CSMD1: variants seen among roughly 807,000 people sequenced by gnomAD.
The protein encoded by CSMD1 is CUB and sushi domain-containing protein 1.
A neutral mutation model predicts 417.5 loss-of-function variants in CSMD1; 213 were observed. That is an observed-to-expected ratio of 0.51 (90% CI 0.46 to 0.57). The LOEUF (loss-of-function observed/expected upper bound fraction) is 0.57, where lower values mean the gene tolerates loss of function less well. Among genes scored for constraint, CSMD1 ranks in the 20% least tolerant of loss-of-function variants. The pLI, the probability that CSMD1 is intolerant of heterozygous loss-of-function variation, is 0.00. For missense variants in CSMD1, 6,923 were observed against 4,529.7 expected (o/e 1.53, Z -15.17); for synonymous variants, 2,862 against 1,736.8 (o/e 1.65, Z -16.11).
chr8:3,704,628 C>T (rs776184197), intron 7 of CSMD1: 3 of 152,246 alleles, frequency 2.0e-5, no homozygotes, highest in Non-Finnish European at 4.4e-5. Context: ...AAGCTTTCTT[C>T]TCTCGCTTAT....
At chr8:3,369,146 G>C in intron 19 of CSMD1, 108 bp downstream of exon 19, 1 of 592,322 alleles carries the variant, frequency 1.7e-6, no homozygotes, top group Non-Finnish European at 3.0e-6. Flanking sequence ...CTATACATGA[G>C]AAAAGTAGTT....
rs1430506952 is a variant in CSMD1, at chr8:4,410,246, C to G, written c.415+9707G>C. On this transcript the variant is annotated intron_variant, in intron 3 of 69. Coordinates refer to ENST00000635120, the MANE Select transcript of CSMD1 (RefSeq NM_033225.6). ...TAATTCTGTAAGCCTCATGCCAACT[C>G]TCTAAGGTAGGTACCATTTATTTTT... 3.9e-5 allele frequency among the ~76,000 whole-genome samples: 6 copies of G among 152,324 alleles called. No homozygotes were observed. The East Asian group carries it at 7.7e-4, about 20-fold the overall frequency.
chr8:4,313,054 A>G (rs1259577328), intron 3 of CSMD1, among the ~76,000 whole-genome samples: 1 of 152,178 alleles, frequency 6.6e-6, no homozygotes, highest in African/African-American at 2.4e-5. Context: ...ATAAACTACA[A>G]ATGAATATAG....
chr8:3,649,460 A>G (rs900817167), intron 7 of CSMD1, among the ~76,000 whole-genome samples: 1 of 152,194 alleles, frequency 6.6e-6, no homozygotes, highest in Non-Finnish European at 1.5e-5. Flanking sequence ...GAATTGACTC[A>G]CAGTTCATCA....
At chr8:3,677,451 A>G (rs773512927) in intron 7 of CSMD1, among the ~76,000 whole-genome samples, 6 of 152,204 alleles carry the variant, frequency 3.9e-5, no homozygotes, top group African/African-American at 1.4e-4. Context: ...GGTTGTCAGG[A>G]AAGTCCTGGG....
At chr8:3,961,075 G>A (rs546476976) in intron 5 of CSMD1, among the ~76,000 whole-genome samples, 1 of 152,112 alleles carries the variant, frequency 6.6e-6, no homozygotes, top group East Asian at 1.9e-4. Context: ...AATTGAACAT[G>A]AACAAACTCA....
At chr8:3,877,827 G>C (rs773365481) in intron 5 of CSMD1, among the ~76,000 whole-genome samples, 1 of 152,140 alleles carries the variant, frequency 6.6e-6, no homozygotes, top group Non-Finnish European at 1.5e-5. Context: ...TATATTTATA[G>C]AACTGACTTA....
At chr8:4,591,854 G>C (rs560275294) in intron 2 of CSMD1, among the ~76,000 whole-genome samples, 2 of 152,272 alleles carry the variant, frequency 1.3e-5, no homozygotes, top group Admixed American at 1.3e-4. Context: ...AAGGCAGAGG[G>C]GAGAAAGTAA....
chr8:3,855,884 T>A (rs1804269801), intron 5 of CSMD1, among the ~76,000 whole-genome samples: 1 of 152,206 alleles, frequency 6.6e-6, no homozygotes, highest in Admixed American at 6.5e-5. Flanking sequence ...CATTGTCTTA[T>A]TTTCTTGCTT....
At chr8:4,073,514 C>T (rs1436328872) in intron 3 of CSMD1, among the ~76,000 whole-genome samples, 1 of 152,090 alleles carries the variant, frequency 6.6e-6, no homozygotes, top group Non-Finnish European at 1.5e-5. Context: ...TTCAGAGGAC[C>T]TGGGATGTGT....
chr8:3,074,808 G>C (rs952331426), intron 49 of CSMD1, among the ~76,000 whole-genome samples: 2 of 152,138 alleles, frequency 1.3e-5, no homozygotes, highest in Admixed American at 1.3e-4. Flanking sequence ...ATCATGGAAA[G>C]TGTGATATCA....
intron 3 of CSMD1, among the ~76,000 whole-genome samples, chr8:4,073,482 G>A (rs140927287): frequency 6.6e-5 from 10 of 152,230 alleles, no homozygotes; most frequent in African/African-American, 2.2e-4. Flanking sequence ...CTCATTTTCT[G>A]GCTGTCCTCA....
At chr8:3,302,525 C>G (rs1804499101) in intron 25 of CSMD1, among the ~76,000 whole-genome samples, 1 of 152,174 alleles carries the variant, frequency 6.6e-6, no homozygotes, top group Non-Finnish European at 1.5e-5. Flanking sequence ...GCATGTCTAT[C>G]TTTTCTGGGC....
intron 1 of CSMD1, among the ~76,000 whole-genome samples, chr8:4,911,440 G>A (rs1323213445): frequency 6.6e-6 from 1 of 152,064 alleles, no homozygotes; most frequent in Non-Finnish European, 1.5e-5. Context: ...ATTTTTCCAG[G>A]TCCCATGAAT....
chr8:4,141,834 T>C (rs1803809983), intron 3 of CSMD1, among the ~76,000 whole-genome samples: 1 of 151,084 alleles, frequency 6.6e-6, no homozygotes, highest in African/African-American at 2.5e-5. Flanking sequence ...AATTCATCAT[T>C]TATCGTGACT....
At chr8:3,708,520 A>T in intron 6 of CSMD1, 29 bp from the exon 7 acceptor site, 2 of 1,595,476 alleles carry the variant, frequency 1.3e-6, no homozygotes, top group Non-Finnish European at 1.7e-6. Flanking sequence ...AGCCATTAGC[A>T]GGTAAGACTT....
chr8:3,406,005 C>A (rs190502039), intron 15 of CSMD1, 22 bp downstream of exon 15: 2 of 1,606,322 alleles, frequency 1.2e-6, no homozygotes, highest in Admixed American at 1.7e-5. Flanking sequence ...AGGAGAAGAG[C>A]GGGGGGTGGC....
At chr8:4,509,748 T>A (rs912171483) in intron 2 of CSMD1, among the ~76,000 whole-genome samples, 1 of 152,168 alleles carries the variant, frequency 6.6e-6, no homozygotes, top group Non-Finnish European at 1.5e-5. Context: ...TGTGATGATT[T>A]ACTTAGTTGT....
intron 4 of CSMD1, among the ~76,000 whole-genome samples, chr8:4,007,975 C>CA (rs1251089108): frequency 6.6e-6 from 1 of 152,010 alleles, no homozygotes; most frequent in Non-Finnish European, 1.5e-5. Context: ...AATTAATTAC[C>CA]AAAAAGAACG....
Sources: gnomAD v4.1 joint callset for allele counts (sites outside exome capture counted in the v4.1 genomes callset) on GRCh38, gnomAD v4.1.1 for gene constraint, MANE v1.5 for transcripts, NCBI Gene and HGNC (gene_info 2026-07-23, HGNC 2026-07-21) for gene names.